Variants in RCC2 observed in about 807,000 individuals in gnomAD.
The protein encoded by RCC2 is regulator of chromosome condensation 2, also known as protein RCC2.
A neutral mutation model predicts 64.1 loss-of-function variants in RCC2; 19 were observed. That is an observed-to-expected ratio of 0.30 (90% CI 0.21 to 0.44). The LOEUF (loss-of-function observed/expected upper bound fraction) is 0.44. Among genes scored for constraint, RCC2 ranks in the 20% least tolerant of loss-of-function variants. RCC2 has a pLI of 1.00. For synonymous variants in RCC2, 325 were observed against 279.6 expected (o/e 1.16, Z -1.62); for missense variants, 508 against 710.4 (o/e 0.72, Z 3.24).
At chr1:17,432,693 G>T (rs995088532) in intron 2 of RCC2, among the ~76,000 whole-genome samples, 1 of 152,268 alleles carries the variant, frequency 6.6e-6, no homozygotes, top group Non-Finnish European at 1.5e-5. Flanking sequence ...CCTTGGCCTT[G>T]GGGAGGGAGT....
At chr1:17,426,974 T>C (rs2100381588) in intron 3 of RCC2, among the ~76,000 whole-genome samples, 1 of 152,264 alleles carries the variant, frequency 6.6e-6, no homozygotes, top group Admixed American at 6.5e-5. Context: ...TTGGCCAGGC[T>C]GGTCTTTAAC....
chr1:17,436,405 G>A (rs2075736017), intron 2 of RCC2, among the ~76,000 whole-genome samples: 2 of 152,152 alleles, frequency 1.3e-5, no homozygotes, highest in Admixed American at 1.3e-4. Flanking sequence ...TCGAGAGGCT[G>A]ATCAGCACAC....
chr1:17,423,984 C>A (rs764348834), intron 4 of RCC2, among the ~76,000 whole-genome samples: 3 of 152,170 alleles, frequency 2.0e-5, no homozygotes, highest in Non-Finnish European at 4.4e-5. Context: ...GAAGGGCCAG[C>A]ACTGGCACTC....
At position 17,422,866 on chromosome 1, in the gene RCC2, G is replaced by A. The variant is rs1557627732; in HGVS notation, c.524-30C>T. On this transcript the variant is annotated intron_variant, in intron 4 of 12. Transcript: ENST00000375436. ...AGATCACATGAGAGAAAGTAGAAAA[G>A]AGAGAGGGTGGTCCAGGCGGCACCA... is the stretch of plus-strand genomic sequence containing the variant. 8 of 1,613,044 alleles carry A rather than the reference G, an allele frequency of 5.0e-6. No homozygotes were observed. The South Asian group carries it at 7.7e-5, about 16-fold the overall frequency.
chr1:17,421,790 C>T (rs1570187653), intron 6 of RCC2, among the ~76,000 whole-genome samples: 1 of 152,258 alleles, frequency 6.6e-6, no homozygotes. Context: ...CTTTGGGAGG[C>T]CGAGGTGGGT....
intron 2 of RCC2, among the ~76,000 whole-genome samples, chr1:17,429,496 C>T (rs2075651581): frequency 6.6e-6 from 1 of 152,154 alleles, no homozygotes; most frequent in Non-Finnish European, 1.5e-5. Flanking sequence ...CAAATACATG[C>T]CTCCTTCGCA....
At position 17,407,151 on chromosome 1, in the gene RCC2, G is replaced by A. The variant is rs947077327; in HGVS notation, c.*1939C>T. The A allele has an allele frequency of 6.6e-6, 1 of 152,176 alleles. No homozygotes were observed. The highest frequency in any genetic ancestry group is 2.4e-5 in the African/African-American group (1 of 41,434). The allele number at this position is 152,176 out of a possible 1,614,324, so 9.4% of individuals were successfully genotyped here. A position where few individuals can be genotyped will look rare whatever the true frequency, so the allele number is the denominator to read the frequency against. On this transcript the variant is annotated 3_prime_UTR_variant, in exon 13 of 13. Transcript: ENST00000375436. ...TTTCCTGCTCCAGTCCCTGGGCTAG[G>A]GTTCTAGAAGAGGCTGGCTGCCACG...
chr1:17,416,314 C>T lies in RCC2; in HGVS notation c.1026+166G>A, dbSNP rs2100360720. Among the ~76,000 whole-genome samples, 3 of 152,244 alleles carry T rather than the reference C, an allele frequency of 2.0e-5. No individual in the cohort carries two copies. The South Asian group carries it at 6.2e-4, about 32-fold the overall frequency. ...GGAGGCAGTGACAGGGAACCCTGCCCTGGGACCAAGGACCCTTTGGCCAAG... is the reference window on the plus strand; with the variant it reads ...GGAGGCAGTGACAGGGAACCCTGCCTTGGGACCAAGGACCCTTTGGCCAAG... On this transcript the variant is annotated intron_variant, in intron 8 of 12. Transcript: ENST00000375436.
chr1:17,416,528 A>G lies in RCC2; in HGVS notation c.978T>C (p.Pro326=). Residue 326 remains proline, a synonymous_variant, in exon 8 of 13, where the codon CCT becomes CCC. Coordinates refer to ENST00000375436, the MANE Select transcript of RCC2 (RefSeq NM_018715.4). ...CGTCTCGTACAACCACGTTTGGTAC[A>G]GGCAGAATCTGTCCATCTTTCGTCT... ...IEKTKDGQIL[P]VPNVVVRDVA... 3 of 1,613,900 alleles carry G rather than the reference A, an allele frequency of 1.9e-6. No homozygotes were observed. The highest frequency in any genetic ancestry group is 2.5e-6 in the Non-Finnish European group (3 of 1,180,032).
intron 2 of RCC2, among the ~76,000 whole-genome samples, chr1:17,436,817 T>C (rs1236524637): frequency 1.3e-5 from 2 of 152,222 alleles, no homozygotes; most frequent in Non-Finnish European, 2.9e-5. Flanking sequence ...TTTAGTTTCA[T>C]CCTAACATAC....
chr1:17,430,559 G>C (rs970350478), intron 2 of RCC2, among the ~76,000 whole-genome samples: 39 of 151,798 alleles, frequency 2.6e-4, no homozygotes, highest in Non-Finnish European at 1.2e-4. Context: ...AGGCTGAGGC[G>C]GGTGAATCAC....
intron 2 of RCC2, among the ~76,000 whole-genome samples, chr1:17,429,494 T>A (rs1478749441): frequency 1.3e-5 from 2 of 152,062 alleles, no homozygotes; most frequent in Non-Finnish European, 2.9e-5. Context: ...CCCAAATACA[T>A]GCCTCCTTCG....
rs567341562 is a variant in RCC2, at chr1:17,422,983, C to G, written c.524-147G>C. 4 of 1,038,078 alleles carry G rather than the reference C, an allele frequency of 3.9e-6. No individual in the cohort carries two copies. In the African/African-American group the frequency reaches 4.8e-5, roughly 13 times the overall value. The allele number at this position is 1,038,078 out of a possible 1,614,324, so 64.3% of individuals were successfully genotyped here. A position where few individuals can be genotyped will look rare whatever the true frequency, so the allele number is the denominator to read the frequency against. ...AATTCCCAACAGCCAAGATCCAGAGCAAAGAACGCCCCGGCCCTCTGCCCG... is the reference window on the plus strand; with the variant it reads ...AATTCCCAACAGCCAAGATCCAGAGGAAAGAACGCCCCGGCCCTCTGCCCG... On this transcript the variant is annotated intron_variant, in intron 4 of 12. Coordinates refer to ENST00000375436, the MANE Select transcript of RCC2 (RefSeq NM_018715.4).
In RCC2 at chr1:17,438,518, C is replaced by A; in HGVS notation, c.-4G>T. On this transcript the variant is annotated 5_prime_UTR_variant, in exon 2 of 13. Transcript: ENST00000375436. ...CCGCCGCCTTCTTCCTGGGCATGGT[C>A]GCGGCTGGAGGGAGACACGGGGCAG... 1 of 1,339,720 alleles carries A rather than the reference C, an allele frequency of 7.5e-7. No homozygotes were observed. Among genetic ancestry groups the A allele is most frequent in the Non-Finnish European group, 9.5e-7 (1 of 1,047,652 alleles). 83.0% of individuals were successfully genotyped at this position (1,339,720 alleles called of 1,614,324 possible). A position where few individuals can be genotyped will look rare whatever the true frequency, so the allele number is the denominator to read the frequency against.
chr1:17,431,359 A>AAAAAAAAAATATATATATATATAT (rs1553158471), intron 2 of RCC2, among the ~76,000 whole-genome samples: 3 of 44,938 alleles, frequency 6.7e-5, no homozygotes, highest in Non-Finnish European at 1.1e-4. Flanking sequence ...AAAAAAAAAA[A>AAAAAAAAAATATATATATATATAT]ATATATATAT....
Position 17,413,184 on chromosome 1 carries a change from G to C in RCC2, c.1208-6C>G. 6.3e-7 allele frequency: 1 copy of C among 1,598,104 alleles called. No individual in the cohort carries two copies. The highest frequency in any genetic ancestry group is 1.3e-5 in the African/African-American group (1 of 74,642). ...CCCCCAGAAAAACAGACCACCTAAGGGAAGACAAAACATGTTCCCAGCGTG... is the reference window on the plus strand; with the variant it reads ...CCCCCAGAAAAACAGACCACCTAAGCGAAGACAAAACATGTTCCCAGCGTG... On this transcript the variant is annotated splice_polypyrimidine_tract_variant and splice_region_variant and intron_variant, in intron 9 of 12. Coordinates refer to ENST00000375436, the MANE Select transcript of RCC2 (RefSeq NM_018715.4).
At chr1:17,420,903 G>A (rs1025845215) in intron 6 of RCC2, 75 bp from the exon 7 acceptor site, 27 of 935,670 alleles carry the variant, frequency 2.9e-5, no homozygotes, top group South Asian at 2.4e-4. Context: ...GCATGTTGGT[G>A]GGAAACAATT....
intron 2 of RCC2, among the ~76,000 whole-genome samples, chr1:17,429,439 T>C (rs952371302): frequency 6.6e-6 from 1 of 152,130 alleles, no homozygotes; most frequent in Non-Finnish European, 1.5e-5. Flanking sequence ...TTTTTATCCT[T>C]TGACTTCCCT....
chr1:17,431,703 C>CCCCCTATAT (rs1406481777), intron 2 of RCC2, among the ~76,000 whole-genome samples: 1 of 151,790 alleles, frequency 6.6e-6, no homozygotes, highest in Non-Finnish European at 1.5e-5. Flanking sequence ...ATTAGGGCGT[C>CCCCCTATAT]CCCCAAGATA....
Sources: gnomAD v4.1 joint callset for allele counts (sites outside exome capture counted in the v4.1 genomes callset) on GRCh38, gnomAD v4.1.1 for gene constraint, MANE v1.5 for transcripts, NCBI Gene and HGNC (gene_info 2026-07-23, HGNC 2026-07-21) for gene names.